TLE6: variants seen among roughly 807,000 people sequenced by gnomAD.
TLE6 encodes transducin-like enhancer protein 6.
TLE6 carries 72 observed loss-of-function variants against 77.1 expected under a neutral mutation model. The ratio of observed to expected loss-of-function variants is 0.93; its 90% CI spans 0.77 to 1.14. The LOEUF is 1.14. TLE6 is among the 50% of genes most tolerant of loss of function. The pLI is 0.00. For missense variants in TLE6, 843 were observed against 747.6 expected, an observed-to-expected ratio of 1.13 and a Z score of -1.49; for synonymous variants, 366 against 287.3, an observed-to-expected ratio of 1.27 and a Z score of -2.77.
At position 2,995,168 on chromosome 19, in the gene TLE6, C is replaced by G. The variant is rs1366106715; in HGVS notation, c.*164C>G. 1.8e-5 allele frequency: 9 copies of G among 493,668 alleles called. No individual in the cohort carries two copies. Among genetic ancestry groups the G allele is most frequent in the Non-Finnish European group, 2.2e-5 (6 of 272,486 alleles). 30.6% of individuals were successfully genotyped at this position (493,668 alleles called of 1,614,324 possible). A position where few individuals can be genotyped will look rare whatever the true frequency, so the allele number is the denominator to read the frequency against. ...GTCGCCATCACGTGTAATAAAGCACCCGGGAAAGGCAGAGTGTGGACGCGT... is the reference window on the plus strand; with the variant it reads ...GTCGCCATCACGTGTAATAAAGCACGCGGGAAAGGCAGAGTGTGGACGCGT... On this transcript the variant is annotated 3_prime_UTR_variant, in exon 17 of 17. Transcript: ENST00000246112.
intron 5 of TLE6, among the ~76,000 whole-genome samples, chr19:2,984,621 C>T (rs1356507107): frequency 2.6e-5 from 4 of 151,994 alleles, no homozygotes; most frequent in Non-Finnish European, 4.4e-5. Flanking sequence ...GTGTGTGTCA[C>T]CATGCCTGGC....
chr19:2,989,012 C>T, intron 11 of TLE6, 49 bp from the exon 12 acceptor site: 1 of 1,601,866 alleles, frequency 6.2e-7, no homozygotes. Flanking sequence ...TCCCACTGGG[C>T]AAAGGGGCTC....
rs1487334518 is a variant in TLE6, at chr19:2,992,793, A to AAACGGG, written c.1387-639_1387-638insAACGGG. Among the ~76,000 whole-genome samples, 5 of 19,754 alleles carry AAACGGG rather than the reference A, an allele frequency of 2.5e-4. 1 individual carries two copies. The highest frequency in any genetic ancestry group is 2.6e-3 in the South Asian group (1 of 386). The allele number at this position is 19,754 out of a possible 152,430, so 13.0% of individuals were successfully genotyped here. On this transcript the variant is annotated intron_variant, in intron 14 of 16. Transcript: ENST00000246112. ...AGACCCTGTCTCAAAAAAAAAAAAA[A>AAACGGG]GGGGGGGAGGCGGGTGGGGGGGGGG...
intron 15 of TLE6, among the ~76,000 whole-genome samples, chr19:2,993,811 C>A (rs993251915): frequency 2.6e-5 from 4 of 151,906 alleles, no homozygotes; most frequent in African/African-American, 4.8e-5. Context: ...CCGCCCTTCC[C>A]CCTTCAGCCA....
At chr19:2,991,604 G>A (rs540578671) in intron 13 of TLE6, among the ~76,000 whole-genome samples, 1 of 141,620 alleles carries the variant, frequency 7.1e-6, no homozygotes, top group Admixed American at 7.0e-5. Flanking sequence ...GAAGAGGCAA[G>A]GGGAGGCCTA....
rs1470949642 is a variant in TLE6 at position 2,995,124 on chromosome 19, T to C, written c.*120T>C. The C allele has an allele frequency of 9.3e-6, 6 of 643,940 alleles. No individual in the cohort carries two copies. The highest frequency in any genetic ancestry group is 1.4e-5 in the Non-Finnish European group (5 of 368,142). 39.9% of individuals were successfully genotyped at this position (643,940 alleles called of 1,614,324 possible). The stretch of plus-strand genomic sequence containing the variant: ...GGCTCTTCTGTGGCATCGCACGATC[T>C]AGTCTGTGGTGTAGACTGGTCGCCA... On this transcript the variant is annotated 3_prime_UTR_variant, in exon 17 of 17. Coordinates refer to ENST00000246112, the MANE Select transcript of TLE6 (RefSeq NM_001143986.2).
chr19:2,991,375 C>CGT (rs1166412019), intron 13 of TLE6, among the ~76,000 whole-genome samples: 16 of 52,866 alleles, frequency 3.0e-4, no homozygotes, highest in Admixed American at 1.2e-3. Flanking sequence ...AAAAAAAATA[C>CGT]GTATATATAT....
At chr19:2,990,466 C>T (rs921259847) in intron 13 of TLE6, among the ~76,000 whole-genome samples, 1 of 150,332 alleles carries the variant, frequency 6.7e-6, no homozygotes, top group Non-Finnish European at 1.5e-5. Context: ...TAGCCAGGCG[C>T]GGTGGTGGGT....
At position 2,989,894 on chromosome 19, in the gene TLE6, C is replaced by G; in HGVS notation, c.1244+109C>G. On this transcript the variant is annotated intron_variant, in intron 13 of 16. Transcript: ENST00000246112. ...CCCGCCTTCCTGCCACCTCCTGAAC[C>G]TGGGATATAGCACTCTCCCAGCCAA... is the stretch of plus-strand genomic sequence containing the variant. 2.7e-6 allele frequency: 4 copies of G among 1,477,456 alleles called. No homozygotes were observed. In the Admixed American group the frequency reaches 7.7e-5, roughly 28 times the overall value. The allele number at this position is 1,477,456 out of a possible 1,614,324, so 91.5% of individuals were successfully genotyped here. A position where few individuals can be genotyped will look rare whatever the true frequency, so the allele number is the denominator to read the frequency against.
intron 7 of TLE6, 22 bp from the exon 8 acceptor site, chr19:2,987,334 C>T (rs1466434914): frequency 6.2e-7 from 1 of 1,614,210 alleles, no homozygotes; most frequent in Admixed American, 1.7e-5. Flanking sequence ...CCCCCTCCTC[C>T]TCTCCGTTGT....
In TLE6 at chr19:2,994,905, T is replaced by C. The variant is rs34831575; in HGVS notation, c.1620T>C (p.Pro540=). 369,462 of 1,558,510 alleles carry C rather than the reference T, an allele frequency of 0.24. 46,141 individuals carry two copies. The highest frequency in any genetic ancestry group is 0.39 in the Admixed American group (22,267 of 57,602). ...MPAGTKVFEV[P]EMSPVTCCDV... Reference sequence around the variant, plus strand: ...GCCCACTGCCCCCCCTCCAGGTGCCTGAGATGTCTCCAGTCACGTGCTGTG... The same window carrying C: ...GCCCACTGCCCCCCCTCCAGGTGCCCGAGATGTCTCCAGTCACGTGCTGTG... Residue 540 remains proline (P), a synonymous_variant, in exon 17 of 17, where the codon CCT becomes CCC. Coordinates refer to ENST00000246112, the MANE Select transcript of TLE6 (RefSeq NM_001143986.2).
At chr19:2,987,582 ACTCT>A in intron 8 of TLE6, 138 bp from the exon 9 acceptor site, 3 of 1,126,952 alleles carry the variant, frequency 2.7e-6, no homozygotes, top group Non-Finnish European at 3.9e-6. Context: ...CTATACCCTG[ACTCT>A]CTCTCTGCAA....
intron 5 of TLE6, among the ~76,000 whole-genome samples, chr19:2,983,626 G>T (rs990429067): frequency 1.2e-5 from 1 of 85,850 alleles, no homozygotes; most frequent in Non-Finnish European, 2.4e-5. Flanking sequence ...GAGAGGAGGA[G>T]GGGGGGAGGG....
At chr19:2,992,463 A>G (rs2089091579) in intron 14 of TLE6, among the ~76,000 whole-genome samples, 1 of 151,182 alleles carries the variant, frequency 6.6e-6, no homozygotes, top group African/African-American at 2.4e-5. Flanking sequence ...TAAGAGCGAA[A>G]CTCTGTCTCA....
At chr19:2,981,281 A>T (rs898451394) in intron 3 of TLE6, among the ~76,000 whole-genome samples, 3 of 149,506 alleles carry the variant, frequency 2.0e-5, no homozygotes, top group African/African-American at 7.4e-5. Context: ...GATCTCTTGA[A>T]CCCAGGAGGC....
At chr19:2,980,722 A>T (rs1239533356) in intron 3 of TLE6, among the ~76,000 whole-genome samples, 1 of 140,514 alleles carries the variant, frequency 7.1e-6, no homozygotes, top group East Asian at 2.1e-4. Flanking sequence ...AAGGCTACAG[A>T]GTGAGACTCG....
In TLE6 at chr19:2,994,016, C is replaced by G. The variant is rs2089150097; in HGVS notation, c.1538-3C>G. ...AGTCTCGCTGATGCTCCATTTCTCC[C>G]AGGCCAGTGGTGGGCAAGCGTTGGA... On this transcript the variant is annotated splice_polypyrimidine_tract_variant and splice_region_variant and intron_variant, in intron 15 of 16. Transcript: ENST00000246112. 6.2e-7 allele frequency: 1 copy of G among 1,602,924 alleles called. No individual in the cohort carries two copies. The highest frequency in any genetic ancestry group is 1.7e-5 in the Admixed American group (1 of 57,684).
intron 13 of TLE6, 132 bp downstream of exon 13, chr19:2,989,917 C>A (rs1019887502): frequency 2.8e-5 from 36 of 1,273,028 alleles, no homozygotes; most frequent in Non-Finnish European, 7.6e-6. Flanking sequence ...CTCTCCCAGC[C>A]AAAACCCCTT....
At chr19:2,993,340 G>C in intron 14 of TLE6, 92 bp from the exon 15 acceptor site, 1 of 1,378,328 alleles carries the variant, frequency 7.3e-7, no homozygotes, top group Non-Finnish European at 9.7e-7. Context: ...TCAGTCACCC[G>C]GCCTCCAGGA....
Sources: allele counts gnomAD v4.1 joint callset (sites outside exome capture counted in the v4.1 genomes callset), GRCh38; gene constraint gnomAD v4.1.1; transcripts MANE v1.5; gene names NCBI Gene and HGNC (gene_info 2026-07-23, HGNC 2026-07-21).